Variants in S1PR5 observed in about 807,000 individuals in gnomAD.
The protein encoded by S1PR5 is sphingosine-1-phosphate receptor 5.
For missense variants in S1PR5, 583 were observed against 571.7 expected, an observed-to-expected ratio of 1.02 and a Z score of -0.20; for synonymous variants, 307 against 284.7, an observed-to-expected ratio of 1.08 and a Z score of -0.79.
In S1PR5 at chr19:10,513,419, G is replaced by A; in HGVS notation, c.*396C>T. The A allele has an allele frequency of 2.1e-6, 1 of 470,546 alleles. No homozygotes were observed. Among genetic ancestry groups the A allele is most frequent in the East Asian group, 3.5e-5 (1 of 28,924 alleles). 29.1% of individuals were successfully genotyped at this position (470,546 alleles called of 1,614,324 possible). A position where few individuals can be genotyped will look rare whatever the true frequency, so the allele number is the denominator to read the frequency against. On this transcript the variant is annotated 3_prime_UTR_variant, in exon 2 of 2. Coordinates refer to ENST00000333430, the MANE Select transcript of S1PR5 (RefSeq NM_030760.5). The stretch of plus-strand genomic sequence containing the variant: ...CATCGCTGCATTTCTTAGAACACAT[G>A]GGCACATTTCAGCCTCAGGGCCTTT...
At position 10,513,935 on chromosome 19, in the gene S1PR5, G is replaced by A. The variant is rs2144650858; in HGVS notation, c.1077C>T (p.Ser359=). ...GCGATGAGCGCTCCGAGCCGCTGAA[G>A]CTCCCATCAAGGCCCGGGGGCAGGC... ...RRCLPPGLDG[S]FSGSERSSPQ... Residue 359 remains serine (S), a synonymous_variant, in exon 2 of 2, where the codon AGC becomes AGT. Transcript: ENST00000333430. 2 of 1,604,826 alleles carry A rather than the reference G, an allele frequency of 1.2e-6. No individual in the cohort carries two copies. The highest frequency in any genetic ancestry group is 4.5e-5 in the East Asian group (2 of 44,652).
chr19:10,514,044 C>A lies in S1PR5; in HGVS notation c.968G>T (p.Cys323Phe). The change falls in exon 2 of 2, where the codon TGC becomes TTC. Residue 323 changes from cysteine (C) to phenylalanine (F), a missense_variant. Coordinates refer to ENST00000333430, the MANE Select transcript of S1PR5 (RefSeq NM_030760.5). The stretch of plus-strand genomic sequence containing the variant: ...GTCTCTGCCGCAGGAGTGGCGTCCG[C>A]AGCAGACCAGGCGCAGGAGCGCGTG... ...LRHALLRLVC[C>F]GRHSCGRDPS... The A allele has an allele frequency of 1.2e-6, 2 of 1,611,818 alleles. No homozygotes were observed. Among genetic ancestry groups the A allele is most frequent in the Non-Finnish European group, 8.5e-7 (1 of 1,179,642 alleles).
At chr19:10,515,071 T>C in intron 1 of S1PR5, 42 bp from the exon 2 acceptor site, 1 of 1,505,914 alleles carries the variant, frequency 6.6e-7, no homozygotes, top group Non-Finnish European at 8.8e-7. Flanking sequence ...GCGGTCCCCG[T>C]AAGCACGCTC....
At position 10,513,295 on chromosome 19, in the gene S1PR5, G is replaced by A. The variant is rs540787542; in HGVS notation, c.*520C>T. 2.5e-5 allele frequency: 7 copies of A among 277,772 alleles called. No individual in the cohort carries two copies. Among genetic ancestry groups the A allele is most frequent in the South Asian group, 1.6e-4 (1 of 6,304 alleles). The allele number at this position is 277,772 out of a possible 1,614,324, so 17.2% of individuals were successfully genotyped here. On this transcript the variant is annotated 3_prime_UTR_variant, in exon 2 of 2. Coordinates refer to ENST00000333430, the MANE Select transcript of S1PR5 (RefSeq NM_030760.5). ...CTCCCACCTCACTCAGAGCAAAAGCGAAGTCCTCTATATCACCCACAAGGT... is the reference window on the plus strand; with the variant it reads ...CTCCCACCTCACTCAGAGCAAAAGCAAAGTCCTCTATATCACCCACAAGGT...
In S1PR5 at chr19:10,514,323, G is replaced by A; in HGVS notation, c.689C>T (p.Pro230Leu). 1 of 1,567,664 alleles carries A rather than the reference G, an allele frequency of 6.4e-7. No homozygotes were observed. Among genetic ancestry groups the A allele is most frequent in the Non-Finnish European group, 8.6e-7 (1 of 1,157,270 alleles). Reference sequence around the variant, plus strand: ...GGTCGAGGTGGTCCCCGCAGTCCCGGGCCGTGCCGGCAGGCGCCGCGCGTT... The same window carrying A: ...GGTCGAGGTGGTCCCCGCAGTCCCGAGCCGTGCCGGCAGGCGCCGCGCGTT... ...RANARRLPAR[P>L]GTAGTTSTRA... is the part of the protein sequence containing the mutation. The change falls in exon 2 of 2, where the codon CCC (proline) becomes CTC (leucine). Residue 230 changes from proline (P) to leucine (L), a missense_variant. Physicochemically the swap from Pro to Leu is moderately conservative, Grantham distance 98. Transcript: ENST00000333430.
intron 1 of S1PR5, among the ~76,000 whole-genome samples, chr19:10,516,607 C>CA (rs113615794): frequency 0.24 from 21,727 of 91,668 alleles, 2,681 homozygotes; most frequent in Admixed American, 0.32. Flanking sequence ...AACTCCGTCT[C>CA]AAAAAAAAAA....
rs745328786 is a variant in S1PR5, at chr19:10,514,476, A to T, written c.536T>A (p.Leu179Gln). 6.2e-7 allele frequency: 1 copy of T among 1,606,350 alleles called. No homozygotes were observed. Among genetic ancestry groups the T allele is most frequent in the Non-Finnish European group, 8.5e-7 (1 of 1,177,100 alleles). ...PALGWNCLGR[L>Q]DACSTVLPLY... ...CGGCAAGACAGTGGAGCAAGCGTCCAGGCGACCCAGGCAATTCCAGCCCAG... is the reference window on the plus strand; with the variant it reads ...CGGCAAGACAGTGGAGCAAGCGTCCTGGCGACCCAGGCAATTCCAGCCCAG... Residue 179 changes from leucine (L) to glutamine (Q), a missense_variant, in exon 2 of 2, where the codon CTG becomes CAG. By Grantham distance (113) the Leu-to-Gln change is moderately radical. Coordinates refer to ENST00000333430, the MANE Select transcript of S1PR5 (RefSeq NM_030760.5).
Position 10,513,183 on chromosome 19 carries a change from T to C in S1PR5, c.*632A>G, listed in dbSNP as rs1915324454. 6.3e-6 allele frequency: 1 copy of C among 158,916 alleles called. No individual in the cohort carries two copies. The highest frequency in any genetic ancestry group is 6.5e-5 in the Admixed American group (1 of 15,424). 9.8% of individuals were successfully genotyped at this position (158,916 alleles called of 1,614,324 possible). ...CAGTGCAGCCCCCCTTCACCTTCTC[T>C]GGTTTTCAACCTCCCATGGAGGCCA... On this transcript the variant is annotated 3_prime_UTR_variant, in exon 2 of 2. Coordinates refer to ENST00000333430, the MANE Select transcript of S1PR5 (RefSeq NM_030760.5).
At position 10,517,128 on chromosome 19, in the gene S1PR5, C is replaced by T. The variant is rs145444146; in HGVS notation, c.-19+270G>A. 872 of 154,082 alleles carry T rather than the reference C, an allele frequency of 5.7e-3. 10 individuals are homozygous for T. Among genetic ancestry groups the T allele is most frequent in the Non-Finnish European group, 1.0e-2 (695 of 69,692 alleles). 9.5% of individuals were successfully genotyped at this position (154,082 alleles called of 1,614,324 possible). A position where few individuals can be genotyped will look rare whatever the true frequency, so the allele number is the denominator to read the frequency against. The stretch of plus-strand genomic sequence containing the variant: ...GCCAACCCCATCCGCCCAGCTTGCC[C>T]GGCAGCAGGACTGAAGTATGGAAAC... On this transcript the variant is annotated intron_variant, in intron 1 of 1. Transcript: ENST00000333430.
In S1PR5 at chr19:10,513,844, T is replaced by C. The variant is rs777250449; in HGVS notation, c.1168A>G (p.Thr390Ala). 1 of 1,612,514 alleles carries C rather than the reference T, an allele frequency of 6.2e-7. No individual in the cohort carries two copies. Among genetic ancestry groups the C allele is most frequent in the African/African-American group, 1.3e-5 (1 of 74,902 alleles). Reference sequence around the variant, plus strand: ...TCTGCAGCCGGTTCTGATACCAGAGTCCGGGCGGCTGTGGGTGCACCGGGG... The same window carrying C: ...TCTGCAGCCGGTTCTGATACCAGAGCCCGGGCGGCTGTGGGTGCACCGGGG... ...GSPGAPTAARTLVSEPAAD is the reference protein window; with the variant it reads ...GSPGAPTAARALVSEPAAD The change falls in exon 2 of 2, where the codon ACT (threonine) becomes GCT (alanine). Residue 390 changes from threonine to alanine, a missense_variant. Coordinates refer to ENST00000333430, the MANE Select transcript of S1PR5 (RefSeq NM_030760.5).
intron 1 of S1PR5, among the ~76,000 whole-genome samples, chr19:10,515,264 A>AATGGCTGGGCGCTGTGGTTCACAC (rs1915409594): frequency 6.6e-6 from 1 of 152,036 alleles, no homozygotes; most frequent in African/African-American, 2.4e-5. Flanking sequence ...ATAACACATG[A>AATGGCTGGGCGCTGTGGTTCACAC]ATGGCTGGGC....
At position 10,513,343 on chromosome 19, in the gene S1PR5, C is replaced by T. The variant is rs985454075; in HGVS notation, c.*472G>A. 4 of 390,784 alleles carry T rather than the reference C, an allele frequency of 1.0e-5. No individual in the cohort carries two copies. Among genetic ancestry groups the T allele is most frequent in the African/African-American group, 8.3e-5 (4 of 48,208 alleles). The allele number at this position is 390,784 out of a possible 1,614,324, so 24.2% of individuals were successfully genotyped here. ...GGTCCTTCGGGAACTACTCCTTCAG[C>T]TCCTTGTCTCCTCCCATTCTCCCCC... On this transcript the variant is annotated 3_prime_UTR_variant, in exon 2 of 2. Transcript: ENST00000333430.
At position 10,513,964 on chromosome 19, in the gene S1PR5, G is replaced by A. The variant is rs1202991658; in HGVS notation, c.1048C>T (p.Arg350Cys). ...SAAEASGGLR[R>C]CLPPGLDGSF... ...CCATCAAGGCCCGGGGGCAGGCAGC[G>A]GCGCAGGCCCCCGGAAGCCTCAGCC... Residue 350 changes from arginine (R) to cysteine (C), a missense_variant, in exon 2 of 2, where the codon CGC becomes TGC. Arg to Cys is a radical substitution (Grantham distance 180). Coordinates refer to ENST00000333430, the MANE Select transcript of S1PR5 (RefSeq NM_030760.5). 2 of 1,598,108 alleles carry A rather than the reference G, an allele frequency of 1.3e-6. No homozygotes were observed. Among genetic ancestry groups the A allele is most frequent in the Non-Finnish European group, 1.7e-6 (2 of 1,173,582 alleles).
At position 10,513,778 on chromosome 19, in the gene S1PR5, CTG is replaced by C. The variant is rs1206484583; in HGVS notation, c.*35_*36del. ...ATTCCTTTATGTAAAAAGAACAAGTCTGTAAAACTTGGGAAGACAGTCGTGGG... is the reference window on the plus strand; with the variant it reads ...ATTCCTTTATGTAAAAAGAACAAGTCTAAAACTTGGGAAGACAGTCGTGGG... On this transcript the variant is annotated 3_prime_UTR_variant, in exon 2 of 2. Coordinates refer to ENST00000333430, the MANE Select transcript of S1PR5 (RefSeq NM_030760.5). 6.3e-7 allele frequency: 1 copy of C among 1,598,838 alleles called. No homozygotes were observed. Among genetic ancestry groups the C allele is most frequent in the Admixed American group, 1.8e-5 (1 of 55,820 alleles).
At position 10,513,901 on chromosome 19, in the gene S1PR5, C is replaced by G. The variant is rs751393670; in HGVS notation, c.1111G>C (p.Asp371His). ...GTGGAGCCGCTGGTGTCCAGCCCGT[C>G]GCGCTGGGGCGATGAGCGCTCCGAG... The part of the protein sequence containing the change: ...SGSERSSPQR[D>H]GLDTSGSTGS... Residue 371 changes from aspartate to histidine, a missense_variant, in exon 2 of 2, where the codon GAC (aspartate) becomes CAC (histidine). By Grantham distance (81) the Asp-to-His change is moderately conservative. Transcript: ENST00000333430. 34 of 1,609,490 alleles carry G rather than the reference C, an allele frequency of 2.1e-5. No individual in the cohort carries two copies. Among genetic ancestry groups the G allele is most frequent in the Non-Finnish European group, 1.4e-5 (17 of 1,179,002 alleles).
Position 10,514,562 on chromosome 19 carries a change from G to A in S1PR5, c.450C>T (p.Arg150=), listed in dbSNP as rs1363463884. ...RGPAPVSSRG[R]TLAMAAAAWG... ...AGGCCGCGGCTGCCATCGCCAGCGT[G>A]CGCCCCCGACTGGAGACGGGCGCGG... is the stretch of plus-strand genomic sequence containing the variant. Residue 150 remains arginine (R), a synonymous_variant, in exon 2 of 2, where the codon CGC becomes CGT. Coordinates refer to ENST00000333430, the MANE Select transcript of S1PR5 (RefSeq NM_030760.5). The A allele has an allele frequency of 6.3e-7, 1 of 1,578,088 alleles. No individual in the cohort carries two copies. The highest frequency in any genetic ancestry group is 8.6e-7 in the Non-Finnish European group (1 of 1,163,532).
At chr19:10,517,757 C>A, upstream of S1PR5, 1 of 951,172 alleles carries the variant, frequency 1.1e-6, no homozygotes, top group Non-Finnish European at 1.3e-6. Flanking sequence ...TGAGCCTCTT[C>A]TCCCCAGCGG....
Position 10,513,017 on chromosome 19 carries a change from C to G in S1PR5, c.*798G>C, listed in dbSNP as rs1915319467. ...CTCCCAGAGTCAAATTTGGGGGTGC[C>G]CCACCCTTGGCATTGTCCTTGATAA... On this transcript the variant is annotated 3_prime_UTR_variant, in exon 2 of 2. Coordinates refer to ENST00000333430, the MANE Select transcript of S1PR5 (RefSeq NM_030760.5). The G allele has an allele frequency of 6.6e-6, 1 of 152,128 alleles. No individual in the cohort carries two copies. Among genetic ancestry groups the G allele is most frequent in the Non-Finnish European group, 1.5e-5 (1 of 68,068 alleles). 9.4% of individuals were successfully genotyped at this position (152,128 alleles called of 1,614,324 possible). A position where few individuals can be genotyped will look rare whatever the true frequency, so the allele number is the denominator to read the frequency against.
At chr19:10,515,777 G>A (rs999852869) in intron 1 of S1PR5, among the ~76,000 whole-genome samples, 3 of 151,946 alleles carry the variant, frequency 2.0e-5, no homozygotes, top group Non-Finnish European at 4.4e-5. Context: ...AAAATTAGCC[G>A]GGACGTGTTG....
Sources: allele counts gnomAD v4.1 joint callset (sites outside exome capture counted in the v4.1 genomes callset), GRCh38; gene constraint gnomAD v4.1.1; transcripts MANE v1.5; gene names NCBI Gene and HGNC (gene_info 2026-07-23, HGNC 2026-07-21).